GLIS3: variants seen among roughly 807,000 people sequenced by gnomAD.
The protein encoded by GLIS3 is zinc finger protein GLIS3.
In GLIS3, 53 loss-of-function variants were observed where a neutral mutation model predicts 78.6. That is an observed-to-expected ratio of 0.67 (90% CI 0.54 to 0.85). The LOEUF (loss-of-function observed/expected upper bound fraction) is 0.85. GLIS3 is among the 40% of genes least tolerant of loss of function. The pLI is 0.00. For synonymous variants in GLIS3, 684 were observed against 509.9 expected (o/e 1.34, Z -4.60); for missense variants, 1,703 against 1,231.1 (o/e 1.38, Z -5.74).
the GLIS3 span, among the ~76,000 whole-genome samples, chr9:4,387,939 A>T: frequency 2.6e-5 from 4 of 152,228 alleles, no homozygotes; most frequent in Non-Finnish European, 5.9e-5. Context: ...TAAACTGTGG[A>T]AAAACGACCT....
chr9:4,408,273 G>C, the GLIS3 span, among the ~76,000 whole-genome samples: 233 of 152,150 alleles, frequency 1.5e-3, no homozygotes, highest in African/African-American at 5.4e-3. Flanking sequence ...GTATATATCC[G>C]AAAGAAAGGA....
At chr9:4,406,609 G>A in the GLIS3 span, among the ~76,000 whole-genome samples, 99 of 152,160 alleles carry the variant, frequency 6.5e-4, no homozygotes, top group Middle Eastern at 3.4e-3. Context: ...AAAGTTACAG[G>A]ATACAAAATC....
intron 2 of GLIS3, among the ~76,000 whole-genome samples, chr9:4,127,462 A>C (rs1010624595): frequency 1.3e-5 from 2 of 152,208 alleles, no homozygotes; most frequent in African/African-American, 4.8e-5. Flanking sequence ...CTTGTGCCTT[A>C]AAAGATCAGT....
At chr9:4,471,405 G>C in the GLIS3 span, among the ~76,000 whole-genome samples, 1 of 152,118 alleles carries the variant, frequency 6.6e-6, no homozygotes, top group Non-Finnish European at 1.5e-5. Flanking sequence ...TACCAAAAGA[G>C]AGATATAGAC....
In GLIS3 at chr9:4,062,723, T is replaced by C. The variant is rs532460452; in HGVS notation, c.1710+55045A>G. Among the ~76,000 whole-genome samples the C allele has an allele frequency of 9.6e-4, 146 of 152,216 alleles. 1 individual carries two copies. The highest frequency in any genetic ancestry group is 1.1e-3 in the Non-Finnish European group (75 of 67,988). On this transcript the variant is annotated intron_variant, in intron 4 of 10. Coordinates refer to ENST00000381971, the MANE Select transcript of GLIS3 (RefSeq NM_001042413.2). Reference sequence around the variant, plus strand: ...CGGGCGGATCACAAGGTCAGGAGATTGAGACCATCCTGGCTAACACAGCGA... The same window carrying C: ...CGGGCGGATCACAAGGTCAGGAGATCGAGACCATCCTGGCTAACACAGCGA...
the GLIS3 span, among the ~76,000 whole-genome samples, chr9:4,381,744 G>A: frequency 2.6e-5 from 4 of 152,154 alleles, no homozygotes; most frequent in African/African-American, 9.7e-5. Context: ...TGGGGCTGTG[G>A]GAATCCACAA....
At chr9:4,144,092 T>G (rs1441680831) in intron 2 of GLIS3, among the ~76,000 whole-genome samples, 1 of 152,160 alleles carries the variant, frequency 6.6e-6, no homozygotes, top group Non-Finnish European at 1.5e-5. Context: ...GTGGGAGAGC[T>G]GTTATTGGAC....
At chr9:4,435,888 G>A in the GLIS3 span, among the ~76,000 whole-genome samples, 12 of 152,224 alleles carry the variant, frequency 7.9e-5, no homozygotes, top group Admixed American at 7.9e-4. Flanking sequence ...GGTGGAGCTT[G>A]CAGTGAGCCA....
chr9:4,350,827 T>G (rs1046736843), upstream of GLIS3, among the ~76,000 whole-genome samples: 3 of 151,672 alleles, frequency 2.0e-5, no homozygotes, highest in Non-Finnish European at 2.9e-5. Flanking sequence ...TTTTGTTTGT[T>G]TTTGTTTTCT....
chr9:4,005,737 C>G (rs1291001763), intron 4 of GLIS3, among the ~76,000 whole-genome samples: 5 of 152,080 alleles, frequency 3.3e-5, no homozygotes, highest in African/African-American at 1.2e-4. Context: ...TAAACATCTG[C>G]CAACAGAATG....
chr9:4,294,057 C>T lies in GLIS3; in HGVS notation c.-99+5364G>A, dbSNP rs1816258421. 2.6e-5 allele frequency among the ~76,000 whole-genome samples: 4 copies of T among 152,184 alleles called. No homozygotes were observed. The South Asian group carries it at 8.3e-4, about 32-fold the overall frequency. On this transcript the variant is annotated intron_variant, in intron 1 of 10. Coordinates refer to ENST00000381971, the MANE Select transcript of GLIS3 (RefSeq NM_001042413.2). ...CAGCTCGATGGTCTTTTCCCTCCTC[C>T]TTTATTTTGTTCTCTTTTCCCCCAA... is the stretch of plus-strand genomic sequence containing the variant.
chr9:4,066,940 C>G (rs917816846), intron 4 of GLIS3, among the ~76,000 whole-genome samples: 1 of 152,200 alleles, frequency 6.6e-6, no homozygotes, highest in African/African-American at 2.4e-5. Context: ...CAGGGAGCTT[C>G]TTGTTCAACA....
At chr9:4,078,249 G>A (rs968685740) in intron 4 of GLIS3, among the ~76,000 whole-genome samples, 25 of 152,124 alleles carry the variant, frequency 1.6e-4, no homozygotes, top group African/African-American at 6.0e-4. Context: ...AACCCAATAT[G>A]TATCAAAGCA....
rs977569195 is a variant in GLIS3, at chr9:3,825,944, G to A, written c.*2328C>T. The A allele has an allele frequency of 1.4e-4, 22 of 152,326 alleles. No individual in the cohort carries two copies. The highest frequency in any genetic ancestry group is 5.3e-4 in the African/African-American group (22 of 41,566). The allele number at this position is 152,326 out of a possible 1,614,324, so 9.4% of individuals were successfully genotyped here. A position where few individuals can be genotyped will look rare whatever the true frequency, so the allele number is the denominator to read the frequency against. ...GCCTCTATTGCTTACGCCCTCTTTA[G>A]AGTCCCTCTTGCCCCTGTGAGGTAA... On this transcript the variant is annotated 3_prime_UTR_variant, in exon 11 of 11. Coordinates refer to ENST00000381971, the MANE Select transcript of GLIS3 (RefSeq NM_001042413.2).
At chr9:3,971,095 G>C (rs1018792237) in intron 4 of GLIS3, among the ~76,000 whole-genome samples, 2 of 44,536 alleles carry the variant, frequency 4.5e-5, no homozygotes, top group African/African-American at 1.6e-4. Context: ...AGGAAGGATA[G>C]ATCGAAGGAA....
intron 4 of GLIS3, among the ~76,000 whole-genome samples, chr9:3,993,544 A>C (rs1401990469): frequency 6.6e-6 from 1 of 152,218 alleles, no homozygotes; most frequent in African/African-American, 2.4e-5. Flanking sequence ...TATCTGAGGA[A>C]AACTAACATA....
intron 2 of GLIS3, among the ~76,000 whole-genome samples, chr9:4,240,051 T>C (rs1232598302): frequency 6.6e-6 from 1 of 152,234 alleles, no homozygotes; most frequent in East Asian, 1.9e-4. Context: ...CAACTGAAGA[T>C]AGATAAAATT....
intron 2 of GLIS3, among the ~76,000 whole-genome samples, chr9:4,127,160 C>T (rs1832637101): frequency 6.6e-6 from 1 of 152,162 alleles, no homozygotes; most frequent in Non-Finnish European, 1.5e-5. Flanking sequence ...GCATCATTAG[C>T]TGCCAGGAAT....
chr9:4,059,823 T>TGAGAGAGA (rs1323533281), intron 4 of GLIS3, among the ~76,000 whole-genome samples: 14 of 123,872 alleles, frequency 1.1e-4, no homozygotes, highest in African/African-American at 4.2e-4. Context: ...TGTGTGTGTG[T>TGAGAGAGA]GTGTGTGAGA....
Sources: gnomAD v4.1 joint callset for allele counts (sites outside exome capture counted in the v4.1 genomes callset) on GRCh38, gnomAD v4.1.1 for gene constraint, MANE v1.5 for transcripts, NCBI Gene and HGNC (gene_info 2026-07-23, HGNC 2026-07-21) for gene names.